MGAT4C: variants seen among roughly 807,000 people sequenced by gnomAD.
MGAT4C encodes the protein alpha-1,3-mannosyl-glycoprotein 4-beta-N-acetylglucosaminyltransferase C.
MGAT4C carries 19 observed loss-of-function variants against 40.1 expected under a neutral mutation model. The observed-to-expected ratio is 0.47, with a 90% CI of 0.33 to 0.70. The LOEUF (loss-of-function observed/expected upper bound fraction) is 0.70, where lower values mean the gene tolerates loss of function less well. MGAT4C is among the 30% of genes least tolerant of loss of function. The pLI, the probability that MGAT4C is intolerant of heterozygous loss-of-function variation, is 0.02. For synonymous variants in MGAT4C, 181 were observed against 187.1 expected (o/e 0.97, Z 0.27); for missense variants, 491 against 563.2 (o/e 0.87, Z 1.30).
chr12:86,742,141 T>C (rs1256955839), intron 1 of MGAT4C, among the ~76,000 whole-genome samples: 1 of 151,418 alleles, frequency 6.6e-6, no homozygotes, highest in Admixed American at 6.6e-5. Flanking sequence ...TCATATTTCA[T>C]ATATTATTTA....
chr12:86,494,010 T>A (rs759121986), intron 2 of MGAT4C, among the ~76,000 whole-genome samples: 3 of 152,010 alleles, frequency 2.0e-5, no homozygotes, highest in Non-Finnish European at 4.4e-5. Flanking sequence ...AAATATCCTA[T>A]TATAACTATA....
chr12:86,660,797 G>C (rs1963962642), intron 2 of MGAT4C, among the ~76,000 whole-genome samples: 1 of 152,058 alleles, frequency 6.6e-6, no homozygotes, highest in Non-Finnish European at 1.5e-5. Flanking sequence ...GTTCCTAGTT[G>C]GGACATTCTA....
At chr12:86,538,140 G>C (rs1237315441) in intron 2 of MGAT4C, among the ~76,000 whole-genome samples, 1 of 152,004 alleles carries the variant, frequency 6.6e-6, no homozygotes, top group Admixed American at 6.6e-5. Flanking sequence ...GTATTTGAAA[G>C]CCTAATTTTT....
At chr12:86,617,027 C>A (rs1962473560) in intron 2 of MGAT4C, among the ~76,000 whole-genome samples, 1 of 152,026 alleles carries the variant, frequency 6.6e-6, no homozygotes, top group Non-Finnish European at 1.5e-5. Context: ...AATTAAAATA[C>A]ATTGATTACA....
At chr12:86,523,254 G>C (rs543636929) in intron 2 of MGAT4C, among the ~76,000 whole-genome samples, 3 of 151,988 alleles carry the variant, frequency 2.0e-5, no homozygotes, top group African/African-American at 7.2e-5. Context: ...TCTTAATACT[G>C]CCTTTGCTGT....
At chr12:86,222,484 AC>A (rs1319848622) in intron 1 of MGAT4C, among the ~76,000 whole-genome samples, 1 of 152,190 alleles carries the variant, frequency 6.6e-6, no homozygotes, top group Admixed American at 6.5e-5. Flanking sequence ...ATATTGTTTT[AC>A]TGAAAACTCT....
intron 3 of MGAT4C, among the ~76,000 whole-genome samples, chr12:86,408,475 C>A (rs1355374802): frequency 1.6e-3 from 164 of 104,174 alleles, no homozygotes; most frequent in East Asian, 9.9e-3. Flanking sequence ...CTCTCTCTCT[C>A]TCTCTATATA....
Position 86,066,965 on chromosome 12 carries a change from C to T in MGAT4C, c.-56-17242G>A, listed in dbSNP as rs145079266. ...TAAAAATAAAGGAAAAAAAGCTCAT[C>T]ATCACTGGTCATTAGAAAAATGCAA... On this transcript the variant is annotated intron_variant, in intron 1 of 4. Coordinates refer to ENST00000611864, the MANE Select transcript of MGAT4C (RefSeq NM_001351288.2). 2.6e-5 allele frequency among the ~76,000 whole-genome samples: 4 copies of T among 152,272 alleles called. No homozygotes were observed. The East Asian group carries it at 5.8e-4, about 22-fold the overall frequency.
intron 1 of MGAT4C, among the ~76,000 whole-genome samples, chr12:86,106,623 C>A (rs928767391): frequency 6.6e-6 from 1 of 151,964 alleles, no homozygotes; most frequent in African/African-American, 2.4e-5. Context: ...AAAGAGTATT[C>A]TCTTGTTCTC....
At chr12:86,668,427 A>T (rs188678139) in intron 2 of MGAT4C, among the ~76,000 whole-genome samples, 1 of 152,256 alleles carries the variant, frequency 6.6e-6, no homozygotes, top group East Asian at 1.9e-4. Context: ...ATCCACGAGG[A>T]GGAAGAGCTC....
At chr12:86,774,345 C>CTTTCTTTCTTTCTTTCTTTCTG (rs1951708548) in intron 1 of MGAT4C, among the ~76,000 whole-genome samples, 2 of 14,924 alleles carry the variant, frequency 1.3e-4, no homozygotes, top group African/African-American at 2.7e-4. Flanking sequence ...CTTTCTGTCT[C>CTTTCTTTCTTTCTTTCTTTCTG]TCTCTCTCCC....
chr12:86,418,626 A>AAATG (rs1956765455), intron 3 of MGAT4C, among the ~76,000 whole-genome samples: 1 of 146,854 alleles, frequency 6.8e-6, no homozygotes, highest in South Asian at 2.1e-4. Flanking sequence ...ATAAATAAAT[A>AAATG]AATGTAATGA....
chr12:86,231,751 A>G (rs1337195731), intron 1 of MGAT4C, among the ~76,000 whole-genome samples: 1 of 152,156 alleles, frequency 6.6e-6, no homozygotes, highest in Non-Finnish European at 1.5e-5. Context: ...TTTGTATAGA[A>G]ATTTATTGTT....
intron 1 of MGAT4C, among the ~76,000 whole-genome samples, chr12:86,099,720 A>G (rs1331943380): frequency 2.0e-5 from 3 of 151,444 alleles, no homozygotes; most frequent in African/African-American, 7.2e-5. Flanking sequence ...TTTTGTTCAT[A>G]GAGTCACATT....
Position 85,980,144 on chromosome 12 carries a change from A to G in MGAT4C, c.582T>C (p.Asp194=). Residue 194 remains aspartate, a synonymous_variant, in exon 5 of 5, where the codon GAT becomes GAC. Transcript: ENST00000611864. Reference sequence around the variant, plus strand: ...TTTGCTTGGAACGAAATTTGACTCTATCTTCTGGATCATTGTAATTTCTTT... The same window carrying G: ...TTTGCTTGGAACGAAATTTGACTCTGTCTTCTGGATCATTGTAATTTCTTT... The part of the protein sequence containing the change: ...GLKRNYNDPE[D]RVKFRSKQNV... 6.2e-7 allele frequency: 1 copy of G among 1,613,986 alleles called. No individual in the cohort carries two copies. Among genetic ancestry groups the G allele is most frequent in the South Asian group, 1.1e-5 (1 of 91,086 alleles).
intron 2 of MGAT4C, chr12:86,028,282 A>T: frequency 1.3e-6 from 1 of 751,818 alleles, no homozygotes; most frequent in Non-Finnish European, 1.9e-6. Flanking sequence ...CTAGTAATTG[A>T]CAGCATTCCC....
At chr12:86,676,347 A>C (rs1023093306) in intron 2 of MGAT4C, among the ~76,000 whole-genome samples, 1 of 152,204 alleles carries the variant, frequency 6.6e-6, no homozygotes, top group Non-Finnish European at 1.5e-5. Context: ...ATTAGCTTTG[A>C]GCGAATTCAC....
At chr12:86,627,078 G>A (rs1436412078) in intron 2 of MGAT4C, among the ~76,000 whole-genome samples, 1 of 152,200 alleles carries the variant, frequency 6.6e-6, no homozygotes, top group African/African-American at 2.4e-5. Context: ...TCCCATGCAT[G>A]GCTCAGCTGG....
chr12:86,616,369 T>C lies in MGAT4C; in HGVS notation c.-229+110840A>G, dbSNP rs188528550. On this transcript the variant is annotated intron_variant, in intron 2 of 7. Transcript: ENST00000548651. ...TCTACTAGAACAACCCTTAAATCAA[T>C]CTTTTGTTAAAAGCAATAGCAGAAT... 5.5e-3 allele frequency among the ~76,000 whole-genome samples: 832 copies of C among 152,206 alleles called. 4 individuals are homozygous for C. The highest frequency in any genetic ancestry group is 9.1e-3 in the Non-Finnish European group (615 of 67,948).
Sources: allele counts gnomAD v4.1 joint callset (sites outside exome capture counted in the v4.1 genomes callset), GRCh38; gene constraint gnomAD v4.1.1; transcripts MANE v1.5; gene names NCBI Gene and HGNC (gene_info 2026-07-23, HGNC 2026-07-21).